The following FHIT variants were observed in gnomAD, a reference collection of about 807,000 sequenced individuals.
FHIT encodes the protein fragile histidine triad diadenosine triphosphatase.
In FHIT, 19 loss-of-function variants were observed where a neutral mutation model predicts 17.9. That is an observed-to-expected ratio of 1.06 (90% CI 0.74 to 1.56). FHIT has a LOEUF of 1.56. FHIT is among the 40% of genes most tolerant of loss of function. The pLI, the probability that FHIT is intolerant of heterozygous loss-of-function variation, is 0.00. For missense variants in FHIT, 248 were observed against 189.2 expected, an observed-to-expected ratio of 1.31 and a Z score of -1.82; for synonymous variants, 81 against 69.7, an observed-to-expected ratio of 1.16 and a Z score of -0.81.
At chr3:60,107,737 G>A (rs1473953770) in intron 5 of FHIT, among the ~76,000 whole-genome samples, 5 of 152,242 alleles carry the variant, frequency 3.3e-5, no homozygotes, top group Non-Finnish European at 7.4e-5. Context: ...CAAGGTTTAG[G>A]TCACTTATGA....
At chr3:60,854,061 A>G (rs907128133) in intron 3 of FHIT, among the ~76,000 whole-genome samples, 6 of 152,108 alleles carry the variant, frequency 3.9e-5, no homozygotes, top group African/African-American at 1.4e-4. Flanking sequence ...GGAAGTGTAA[A>G]TGTTCAGATT....
chr3:59,986,919 T>C (rs1165770978), intron 7 of FHIT, among the ~76,000 whole-genome samples: 1 of 120,564 alleles, frequency 8.3e-6, no homozygotes, highest in Non-Finnish European at 1.6e-5. Context: ...ATTAAAAATA[T>C]ATGTACGTAT....
intron 7 of FHIT, among the ~76,000 whole-genome samples, chr3:59,963,058 A>G (rs1707757956): frequency 6.6e-6 from 1 of 152,152 alleles, no homozygotes; most frequent in Non-Finnish European, 1.5e-5. Context: ...GATACAGACC[A>G]TCCTGGCTAA....
intron 3 of FHIT, among the ~76,000 whole-genome samples, chr3:60,980,915 C>T (rs935842447): frequency 6.6e-6 from 1 of 152,174 alleles, no homozygotes; most frequent in African/African-American, 2.4e-5. Flanking sequence ...CACCTCACAG[C>T]CCCCCTATTT....
At chr3:61,056,303 T>C (rs1226433481) in intron 2 of FHIT, among the ~76,000 whole-genome samples, 1 of 152,160 alleles carries the variant, frequency 6.6e-6, no homozygotes, top group African/African-American at 2.4e-5. Flanking sequence ...AAGATTGGGA[T>C]TAGGGACCCA....
At chr3:61,248,852 T>G (rs1034699352) in intron 1 of FHIT, among the ~76,000 whole-genome samples, 1 of 152,212 alleles carries the variant, frequency 6.6e-6, no homozygotes, top group Non-Finnish European at 1.5e-5. Flanking sequence ...GGGATACTTT[T>G]GACATGAGGG....
intron 5 of FHIT, among the ~76,000 whole-genome samples, chr3:60,261,717 G>C (rs1263933466): frequency 6.6e-6 from 1 of 151,976 alleles, no homozygotes; most frequent in African/African-American, 2.4e-5. Flanking sequence ...ACCCCACTTT[G>C]GCACTGGAGG....
chr3:60,354,612 T>C (rs1699565728), intron 5 of FHIT, among the ~76,000 whole-genome samples: 1 of 152,074 alleles, frequency 6.6e-6, no homozygotes, highest in Admixed American at 6.5e-5. Context: ...TTTAGTGTTA[T>C]TGAGAGGATT....
Position 61,205,625 on chromosome 3 carries a change from G to C in FHIT, c.-212-4960C>G, listed in dbSNP as rs574039764. The stretch of plus-strand genomic sequence containing the variant: ...TTTGGCTGCGTAAATGTCTTCTTTT[G>C]AGAAGTGTCTGTTCTTATCCTTTTC... On this transcript the variant is annotated intron_variant, in intron 1 of 9. Transcript: ENST00000492590. Among the ~76,000 whole-genome samples, 27 of 152,286 alleles carry C rather than the reference G, an allele frequency of 1.8e-4. No individual in the cohort carries two copies. The East Asian group carries it at 4.1e-3, about 23-fold the overall frequency.
intron 5 of FHIT, among the ~76,000 whole-genome samples, chr3:60,372,795 T>C (rs1302238455): frequency 2.0e-5 from 3 of 152,188 alleles, no homozygotes; most frequent in African/African-American, 4.8e-5. Flanking sequence ...TTTTTTAAAA[T>C]GTATTTGGAG....
At chr3:60,171,826 C>T (rs1201256551) in intron 5 of FHIT, among the ~76,000 whole-genome samples, 2 of 151,946 alleles carry the variant, frequency 1.3e-5, no homozygotes, top group Non-Finnish European at 2.9e-5. Context: ...TTGCCTCAGC[C>T]TCCCAAATAG....
At chr3:60,834,685 C>G (rs1229574268) in intron 3 of FHIT, among the ~76,000 whole-genome samples, 1 of 150,750 alleles carries the variant, frequency 6.6e-6, no homozygotes, top group Non-Finnish European at 1.5e-5. Flanking sequence ...AAAAGCCAGT[C>G]TCAACTAAAA....
At chr3:59,980,665 G>T (rs62240115) in intron 7 of FHIT, among the ~76,000 whole-genome samples, 2 of 152,156 alleles carry the variant, frequency 1.3e-5, no homozygotes, top group Non-Finnish European at 2.9e-5. Context: ...AAGGAGGCAA[G>T]GGGCCGTTTC....
intron 4 of FHIT, among the ~76,000 whole-genome samples, chr3:60,595,469 A>G (rs2038232785): frequency 6.6e-6 from 1 of 151,248 alleles, no homozygotes; most frequent in Non-Finnish European, 1.5e-5. Context: ...TGTCCTAAAT[A>G]TATACATATA....
At chr3:59,807,336 C>A (rs2629877) in intron 8 of FHIT, among the ~76,000 whole-genome samples, 2 of 151,968 alleles carry the variant, frequency 1.3e-5, no homozygotes, top group African/African-American at 4.8e-5. Context: ...TGGTTAACTT[C>A]CAGCTCAGTG....
At chr3:60,248,075 T>C (rs1296562036) in intron 5 of FHIT, among the ~76,000 whole-genome samples, 1 of 152,132 alleles carries the variant, frequency 6.6e-6, no homozygotes, top group Non-Finnish European at 1.5e-5. Context: ...TATAACCATA[T>C]CTAAAAATTG....
At chr3:60,163,097 G>T (rs1378383409) in intron 5 of FHIT, among the ~76,000 whole-genome samples, 1 of 151,764 alleles carries the variant, frequency 6.6e-6, no homozygotes, top group African/African-American at 2.4e-5. Context: ...GGGAAGTTCT[G>T]CAAAAGACAT....
chr3:60,897,557 G>C (rs542282168), intron 3 of FHIT, among the ~76,000 whole-genome samples: 1 of 152,134 alleles, frequency 6.6e-6, no homozygotes, highest in South Asian at 2.1e-4. Flanking sequence ...TTTCCTTTTT[G>C]TTATAAAGCA....
At chr3:60,631,248 TATC>T (rs1262701140) in intron 4 of FHIT, among the ~76,000 whole-genome samples, 3 of 152,160 alleles carry the variant, frequency 2.0e-5, no homozygotes, top group Admixed American at 6.5e-5. Context: ...AGAGGTATAA[TATC>T]ATTTTGATTT....
Sources: gnomAD v4.1 joint callset for allele counts (sites outside exome capture counted in the v4.1 genomes callset) on GRCh38, gnomAD v4.1.1 for gene constraint, MANE v1.5 for transcripts, NCBI Gene and HGNC (gene_info 2026-07-23, HGNC 2026-07-21) for gene names.